The following INPP5J variants were observed in gnomAD, a reference collection of about 807,000 sequenced individuals.
The protein encoded by INPP5J is inositol polyphosphate-5-phosphatase J, also known as phosphatidylinositol 4,5-bisphosphate 5-phosphatase A.
A neutral mutation model predicts 86.6 loss-of-function variants in INPP5J; 75 were observed. The observed-to-expected ratio is 0.87, with a 90% CI of 0.72 to 1.05. INPP5J has a LOEUF of 1.05. Among genes scored for constraint, INPP5J ranks in the 50% least tolerant of loss-of-function variants. The pLI is 0.00. For missense variants in INPP5J, 1,229 were observed against 1,341.2 expected (o/e 0.92, Z 1.31); for synonymous variants, 540 against 550.0 (o/e 0.98, Z 0.25).
Position 31,124,745 on chromosome 22 carries a change from G to T in INPP5J, c.106-100G>T. On this transcript the variant is annotated intron_variant, in intron 1 of 12. Transcript: ENST00000331075. Reference sequence around the variant, plus strand: ...AGGAAGAACTTCCTTGGAAAGATGTGCCTTTCTTAGCTAGATGAACTCTGC... The same window carrying T: ...AGGAAGAACTTCCTTGGAAAGATGTTCCTTTCTTAGCTAGATGAACTCTGC... 4.1e-6 allele frequency: 4 copies of T among 986,962 alleles called. No homozygotes were observed. The South Asian group carries it at 6.7e-5, about 17-fold the overall frequency. The allele number at this position is 986,962 out of a possible 1,614,324, so 61.1% of individuals were successfully genotyped here. A position where few individuals can be genotyped will look rare whatever the true frequency, so the allele number is the denominator to read the frequency against.
chr22:31,130,891 G>A (rs1922009471), intron 9 of INPP5J, among the ~76,000 whole-genome samples: 1 of 152,022 alleles, frequency 6.6e-6, no homozygotes, highest in Non-Finnish European at 1.5e-5. Context: ...TTTTTTCTGT[G>A]GCGGGATCTG....
chr22:31,122,996 G>T lies in INPP5J; in HGVS notation c.-19G>T. ...TGGAGCCGGAGCCAAGGGAGTCCAG[G>T]CTGCCGGGGGCTGCAGACATGGAGG... On this transcript the variant is annotated 5_prime_UTR_variant, in exon 1 of 13. Coordinates refer to ENST00000331075, the MANE Select transcript of INPP5J (RefSeq NM_001284285.2). The T allele has an allele frequency of 7.1e-7, 1 of 1,416,498 alleles. No individual in the cohort carries two copies. Among genetic ancestry groups the T allele is most frequent in the Non-Finnish European group, 9.2e-7 (1 of 1,082,722 alleles). The allele number at this position is 1,416,498 out of a possible 1,614,324, so 87.7% of individuals were successfully genotyped here.
At position 31,134,312 on chromosome 22, in the gene INPP5J, G is replaced by C; in HGVS notation, c.2914G>C (p.Gly972Arg). ...CTTGCGCCTAGAGACTGTAGACCCT[G>C]GTGGTGGTGGCTCCTGGGGACCTGA... ...PALRLETVDPGGGGSWGPDRE... is the reference protein window; with the variant it reads ...PALRLETVDPRGGGSWGPDRE... The change falls in exon 13 of 13, where the codon GGT (glycine) becomes CGT (arginine). Residue 972 changes from glycine (G) to arginine (R), a missense_variant. By Grantham distance (125) the Gly-to-Arg change is moderately radical. Coordinates refer to ENST00000331075, the MANE Select transcript of INPP5J (RefSeq NM_001284285.2). 1 of 1,553,652 alleles carries C rather than the reference G, an allele frequency of 6.4e-7. No individual in the cohort carries two copies. Among genetic ancestry groups the C allele is most frequent in the Non-Finnish European group, 8.7e-7 (1 of 1,149,798 alleles).
intron 6 of INPP5J, 180 bp from the exon 7 acceptor site, chr22:31,127,771 C>G (rs746607620): frequency 4.7e-6 from 3 of 640,762 alleles, no homozygotes; most frequent in Non-Finnish European, 8.3e-6. Context: ...TCCTGTAGAC[C>G]GGTCCCTCTG....
chr22:31,125,132 A>G lies in INPP5J; in HGVS notation c.393A>G (p.Ser131=), dbSNP rs1921248096. 2.6e-6 allele frequency: 4 copies of G among 1,550,146 alleles called. No individual in the cohort carries two copies. The highest frequency in any genetic ancestry group is 3.5e-6 in the Non-Finnish European group (4 of 1,146,932). Residue 131 remains serine, a synonymous_variant, in exon 2 of 13, where the codon TCA becomes TCG. Transcript: ENST00000331075. ...GPKPPPATTG[S]VLAPTSLGLV... The stretch of plus-strand genomic sequence containing the variant: ...AGCCTCCCCCAGCGACCACAGGCTC[A>G]GTTCTGGCTCCGACGTCCCTGGGGC...
chr22:31,127,876 G>C, intron 6 of INPP5J, 75 bp from the exon 7 acceptor site: 1 of 883,320 alleles, frequency 1.1e-6, no homozygotes, highest in Non-Finnish European at 1.9e-6. Context: ...GATCTGGGCT[G>C]AGCCCTTATC....
At chr22:31,123,307 A>G (rs968465587) in intron 1 of INPP5J, among the ~76,000 whole-genome samples, 188 bp downstream of exon 1, 2 of 152,110 alleles carry the variant, frequency 1.3e-5, no homozygotes, top group African/African-American at 4.8e-5. Flanking sequence ...GCCCGGAGAC[A>G]GATGAAGTTA....
rs1447382059 is a variant in INPP5J, at chr22:31,125,077, A to T, written c.338A>T (p.Gln113Leu). ...SSSLAPTSVG[Q>L]LVMSASAGPK... ...AGCCTGGCCCCAACATCTGTGGGCCAGCTGGTGATGTCTGCCTCAGCTGGA... is the reference window on the plus strand; with the variant it reads ...AGCCTGGCCCCAACATCTGTGGGCCTGCTGGTGATGTCTGCCTCAGCTGGA... Residue 113 changes from glutamine to leucine, a missense_variant, in exon 2 of 13, where the codon CAG (glutamine) becomes CTG (leucine). Transcript: ENST00000331075. The T allele has an allele frequency of 6.5e-7, 1 of 1,549,666 alleles. No individual in the cohort carries two copies. Among genetic ancestry groups the T allele is most frequent in the Non-Finnish European group, 8.7e-7 (1 of 1,147,022 alleles).
At chr22:31,130,468 C>T (rs922182864) in intron 9 of INPP5J, among the ~76,000 whole-genome samples, 10 of 151,256 alleles carry the variant, frequency 6.6e-5, no homozygotes, top group African/African-American at 2.4e-4. Flanking sequence ...GAGCTGTGAT[C>T]GTACCACTGC....
intron 9 of INPP5J, among the ~76,000 whole-genome samples, chr22:31,129,232 C>CTTTTTTTTTT (rs576089657): frequency 1.0e-4 from 8 of 79,124 alleles, no homozygotes; most frequent in Admixed American, 2.0e-4. Flanking sequence ...GTCTGGCCAA[C>CTTTTTTTTTT]TTTTTTTTTT....
rs371450527 is a variant in INPP5J, at chr22:31,128,657, G to T, written c.2193+3G>T. 58 of 1,575,670 alleles carry T rather than the reference G, an allele frequency of 3.7e-5. No homozygotes were observed. In the East Asian group the frequency reaches 1.3e-3, roughly 35 times the overall value. ...TGGCTGCCCAGTTCCTCCTGCAGGT[G>T]AGTTCTGGCCTCATCCTCCCCGCAT... On this transcript the variant is annotated splice_donor_region_variant and intron_variant, in intron 9 of 12. Coordinates refer to ENST00000331075, the MANE Select transcript of INPP5J (RefSeq NM_001284285.2).
rs1921548013 is a variant in INPP5J, at chr22:31,127,056, C to T, written c.1611+19C>T. The T allele has an allele frequency of 6.6e-7, 1 of 1,516,456 alleles. No homozygotes were observed. The highest frequency in any genetic ancestry group is 9.0e-7 in the Non-Finnish European group (1 of 1,107,494). 93.9% of individuals were successfully genotyped at this position (1,516,456 alleles called of 1,614,324 possible). ...CTACTGGGTGAGCCTGTGAGCAGGCCCAGAAGAGGATGGGACATGAAGGGG... is the reference window on the plus strand; with the variant it reads ...CTACTGGGTGAGCCTGTGAGCAGGCTCAGAAGAGGATGGGACATGAAGGGG... On this transcript the variant is annotated intron_variant, in intron 5 of 12. Transcript: ENST00000331075.
rs1197418191 is a variant in INPP5J, at chr22:31,126,727, G to A, written c.1494+6G>A. On this transcript the variant is annotated splice_donor_region_variant and intron_variant, in intron 4 of 12. Transcript: ENST00000331075. ...GGCCCTTCAACTTCGTGCTGGTAACGCACCCCTCACCCCCTGGACAGCCAG... is the reference window on the plus strand; with the variant it reads ...GGCCCTTCAACTTCGTGCTGGTAACACACCCCTCACCCCCTGGACAGCCAG... The A allele has an allele frequency of 3.7e-6, 6 of 1,605,774 alleles. No individual in the cohort carries two copies. Among genetic ancestry groups the A allele is most frequent in the South Asian group, 1.1e-5 (1 of 90,950 alleles).
At chr22:31,129,232 CTTTTT>C (rs576089657) in intron 9 of INPP5J, among the ~76,000 whole-genome samples, 1 of 79,122 alleles carries the variant, frequency 1.3e-5, no homozygotes, top group Non-Finnish European at 2.3e-5. Flanking sequence ...GTCTGGCCAA[CTTTTT>C]TTTTTTTTTT....
chr22:31,125,168 T>G lies in INPP5J; in HGVS notation c.429T>G (p.Pro143=). 1 of 1,550,406 alleles carries G rather than the reference T, an allele frequency of 6.4e-7. No individual in the cohort carries two copies. The highest frequency in any genetic ancestry group is 8.7e-7 in the Non-Finnish European group (1 of 1,146,958). ...LAPTSLGLVM[P]ASAGPRSPPV... is the part of the protein sequence containing the mutation. ...CGACGTCCCTGGGGCTGGTGATGCCTGCCTCAGCAGGGCCAAGATCTCCCC... is the reference window on the plus strand; with the variant it reads ...CGACGTCCCTGGGGCTGGTGATGCCGGCCTCAGCAGGGCCAAGATCTCCCC... Residue 143 remains proline, a synonymous_variant, in exon 2 of 13, where the codon CCT becomes CCG. Transcript: ENST00000331075.
At chr22:31,123,161 C>T (rs1921017021) in intron 1 of INPP5J, 42 bp downstream of exon 1, 2 of 1,274,274 alleles carry the variant, frequency 1.6e-6, no homozygotes, top group Non-Finnish European at 2.1e-6. Flanking sequence ...TTCCTGATCC[C>T]TGGTTCCACA....
intron 1 of INPP5J, among the ~76,000 whole-genome samples, chr22:31,123,430 C>G (rs1245121696): frequency 2.0e-5 from 3 of 152,158 alleles, no homozygotes; most frequent in Non-Finnish European, 4.4e-5. Context: ...TGAGCCAATG[C>G]AAAATGAGGG....
At chr22:31,122,907 G>T, upstream of INPP5J, 1 of 748,190 alleles carries the variant, frequency 1.3e-6, no homozygotes, top group South Asian at 2.5e-5. Flanking sequence ...GGGAGCCTGT[G>T]CCTTTAAATT....
chr22:31,123,364 G>C (rs1921046214), intron 1 of INPP5J, among the ~76,000 whole-genome samples: 1 of 152,142 alleles, frequency 6.6e-6, no homozygotes, highest in Non-Finnish European at 1.5e-5. Context: ...GGTATCAGAG[G>C]ACCCAGCTGT....
Sources: gnomAD v4.1 joint callset for allele counts (sites outside exome capture counted in the v4.1 genomes callset) on GRCh38, gnomAD v4.1.1 for gene constraint, MANE v1.5 for transcripts, NCBI Gene and HGNC (gene_info 2026-07-23, HGNC 2026-07-21) for gene names.